Variants in ADGRL3 observed in about 807,000 individuals in gnomAD.
The protein encoded by ADGRL3 is calcium-independent alpha-latrotoxin receptor 3.
In ADGRL3, 62 loss-of-function variants were observed where a neutral mutation model predicts 153.5. The ratio of observed to expected loss-of-function variants is 0.40; its 90% CI spans 0.33 to 0.50. The LOEUF (loss-of-function observed/expected upper bound fraction) is 0.50. Among genes scored for constraint, ADGRL3 ranks in the 20% least tolerant of loss-of-function variants. The pLI, the probability that ADGRL3 is intolerant of heterozygous loss-of-function variation, is 0.47. For synonymous variants in ADGRL3, 710 were observed against 672.5 expected, an observed-to-expected ratio of 1.06 and a Z score of -0.86; for missense variants, 1,641 against 1,859.4, an observed-to-expected ratio of 0.88 and a Z score of 2.16.
rs1747397938 is a variant in ADGRL3 at position 62,077,088 on chromosome 4, T to A, written c.*6180T>A. ...ATTCATAAAATTCTACATACAGTTG[T>A]ACATGGTGGGTTATCAAAGTACTCC... On this transcript the variant is annotated 3_prime_UTR_variant, in exon 27 of 27. Coordinates refer to ENST00000683033, the MANE Select transcript of ADGRL3 (RefSeq NM_001387552.1). The A allele has an allele frequency of 6.6e-6, 1 of 151,950 alleles. No homozygotes were observed. The highest frequency in any genetic ancestry group is 1.5e-5 in the Non-Finnish European group (1 of 67,890). 9.4% of individuals were successfully genotyped at this position (151,950 alleles called of 1,614,324 possible). A position where few individuals can be genotyped will look rare whatever the true frequency, so the allele number is the denominator to read the frequency against.
intron 5 of ADGRL3, among the ~76,000 whole-genome samples, chr4:61,673,992 C>T (rs1254724408): frequency 6.6e-6 from 1 of 151,254 alleles, no homozygotes; most frequent in African/African-American, 2.4e-5. Context: ...TTTCTTGACT[C>T]ATCTTCGGTT....
chr4:61,278,619 T>C (rs2093589809), intron 1 of ADGRL3, among the ~76,000 whole-genome samples: 1 of 152,144 alleles, frequency 6.6e-6, no homozygotes. Context: ...TTCTCCTACC[T>C]CAGCCTCCTG....
intron 4 of ADGRL3, among the ~76,000 whole-genome samples, chr4:61,522,456 C>T (rs2098537074): frequency 1.3e-5 from 2 of 152,016 alleles, no homozygotes. Flanking sequence ...AAAATAAAAG[C>T]TGTGATCAAA....
chr4:62,008,705 TTATATC>T (rs1003795856), intron 21 of ADGRL3, among the ~76,000 whole-genome samples: 1 of 151,374 alleles, frequency 6.6e-6, no homozygotes, highest in African/African-American at 2.4e-5. Flanking sequence ...TAAAATCTAT[TTATATC>T]TATATGTATA....
In ADGRL3 at chr4:62,070,999, C is replaced by A; in HGVS notation, c.*91C>A. 1 of 1,087,278 alleles carries A rather than the reference C, an allele frequency of 9.2e-7. No individual in the cohort carries two copies. Among genetic ancestry groups the A allele is most frequent in the South Asian group, 1.7e-5 (1 of 58,828 alleles). The allele number at this position is 1,087,278 out of a possible 1,614,324, so 67.4% of individuals were successfully genotyped here. ...AAGCAGTGGTAATAATGTGTGTACT[C>A]CTAAATCTTTATGCTGTCCTCTAAA... On this transcript the variant is annotated 3_prime_UTR_variant, in exon 27 of 27. Coordinates refer to ENST00000683033, the MANE Select transcript of ADGRL3 (RefSeq NM_001387552.1).
intron 2 of ADGRL3, among the ~76,000 whole-genome samples, chr4:61,465,008 A>G (rs2097862488): frequency 6.6e-6 from 1 of 152,128 alleles, no homozygotes; most frequent in Non-Finnish European, 1.5e-5. Flanking sequence ...TCCATGATAA[A>G]TTGTTTTGCT....
intron 4 of ADGRL3, among the ~76,000 whole-genome samples, chr4:61,529,023 A>G (rs2098595754): frequency 6.6e-6 from 1 of 152,116 alleles, no homozygotes; most frequent in Admixed American, 6.5e-5. Flanking sequence ...GCCATAATGG[A>G]TGTCACTAAA....
chr4:61,938,094 T>A (rs1217328297), intron 15 of ADGRL3, among the ~76,000 whole-genome samples: 1 of 152,106 alleles, frequency 6.6e-6, no homozygotes, highest in Non-Finnish European at 1.5e-5. Flanking sequence ...CATTTAAGCA[T>A]TAATTTTGGA....
chr4:61,871,016 T>A (rs6830346), intron 9 of ADGRL3, among the ~76,000 whole-genome samples: 3 of 152,032 alleles, frequency 2.0e-5, no homozygotes, highest in South Asian at 4.1e-4. Context: ...CGGTGGCTCA[T>A]GCCTGTAATC....
At chr4:61,584,483 T>C (rs555403049) in intron 4 of ADGRL3, among the ~76,000 whole-genome samples, 3 of 152,146 alleles carry the variant, frequency 2.0e-5, no homozygotes, top group African/African-American at 4.8e-5. Flanking sequence ...TGTCAATGTA[T>C]TGACAAAATT....
At chr4:61,338,266 T>C (rs995660608) in intron 1 of ADGRL3, among the ~76,000 whole-genome samples, 2 of 151,048 alleles carry the variant, frequency 1.3e-5, no homozygotes, top group African/African-American at 4.9e-5. Context: ...AGTGAGACTC[T>C]GTCTCAATTT....
At chr4:61,254,984 A>G (rs1022966840) in intron 1 of ADGRL3, among the ~76,000 whole-genome samples, 5 of 152,020 alleles carry the variant, frequency 3.3e-5, no homozygotes, top group Non-Finnish European at 7.4e-5. Context: ...ATTTCATAAT[A>G]TGACACTCTT....
At chr4:61,516,544 C>T (rs2098496611) in intron 3 of ADGRL3, among the ~76,000 whole-genome samples, 1 of 152,002 alleles carries the variant, frequency 6.6e-6, no homozygotes, top group South Asian at 2.1e-4. Flanking sequence ...CTTTTCAAAG[C>T]ATAAAATGCA....
intron 2 of ADGRL3, among the ~76,000 whole-genome samples, chr4:61,450,095 G>A (rs1389170236): frequency 6.6e-6 from 1 of 152,182 alleles, no homozygotes; most frequent in Non-Finnish European, 1.5e-5. Context: ...CTGCAGGCTT[G>A]CTCAGGGACG....
rs2097746346 is a variant in ADGRL3, at chr4:61,456,405, A to ATATATAGAGATATATCTATATC, written c.-173-40710_-173-40709insGAGATATATCTATATCTATATA. Among the ~76,000 whole-genome samples the ATATATAGAGATATATCTATATC allele has an allele frequency of 7.4e-4, 40 of 53,902 alleles. 1 individual carries two copies. Among genetic ancestry groups the ATATATAGAGATATATCTATATC allele is most frequent in the Admixed American group, 2.5e-3 (10 of 3,968 alleles). The allele number at this position is 53,902 out of a possible 152,430, so 35.4% of individuals were successfully genotyped here. A position where few individuals can be genotyped will look rare whatever the true frequency, so the allele number is the denominator to read the frequency against. ...TATATATATAGATATATCTATATCT[A>ATATATAGAGATATATCTATATC]TATATATATAGATATATCTATATCT... On this transcript the variant is annotated intron_variant, in intron 2 of 26. Transcript: ENST00000683033.
chr4:61,516,276 G>T (rs2098494200), intron 3 of ADGRL3, among the ~76,000 whole-genome samples: 2 of 151,942 alleles, frequency 1.3e-5, no homozygotes, highest in South Asian at 2.1e-4. Flanking sequence ...AAATTCTCTT[G>T]CATTATTGAT....
intron 26 of ADGRL3, among the ~76,000 whole-genome samples, chr4:62,068,863 A>G (rs1032482440): frequency 6.6e-6 from 1 of 152,180 alleles, no homozygotes; most frequent in Non-Finnish European, 1.5e-5. Context: ...CCAAATAAAA[A>G]TTGGCATATT....
intron 2 of ADGRL3, chr4:61,428,155 G>A (rs1309494679): frequency 1.3e-5 from 2 of 152,720 alleles, no homozygotes; most frequent in Non-Finnish European, 2.9e-5. Flanking sequence ...TGGGTGAATG[G>A]ATGGCAGGTA....
rs13142768 is a variant in ADGRL3 at position 61,223,380 on chromosome 4, A to C, written c.-240+21615A>C. Among the ~76,000 whole-genome samples the C allele has an allele frequency of 1.9e-3, 284 of 152,348 alleles. 1 individual carries two copies. Among genetic ancestry groups the C allele is most frequent in the Non-Finnish European group, 3.0e-3 (204 of 68,032 alleles). The stretch of plus-strand genomic sequence containing the variant: ...TCTGCAGTTACGGATACAACTTACA[A>C]TATAAGCAGAGAGTGATGCAAAATT... On this transcript the variant is annotated intron_variant, in intron 1 of 26. Coordinates refer to ENST00000683033, the MANE Select transcript of ADGRL3 (RefSeq NM_001387552.1).
Sources: gnomAD v4.1 joint callset for allele counts (sites outside exome capture counted in the v4.1 genomes callset) on GRCh38, gnomAD v4.1.1 for gene constraint, MANE v1.5 for transcripts, NCBI Gene and HGNC (gene_info 2026-07-23, HGNC 2026-07-21) for gene names.